The following RBFOX2 variants were observed in gnomAD, a reference collection of about 807,000 sequenced individuals.
RBFOX2 encodes RNA binding fox-1 homolog 2.
In RBFOX2, 10 loss-of-function variants were observed where a neutral mutation model predicts 49.1. The ratio of observed to expected loss-of-function variants is 0.20; its 90% CI spans 0.13 to 0.35. The LOEUF is 0.35. Ranked by LOEUF, RBFOX2 falls within the 10% of genes least tolerant of loss-of-function variation. The pLI, the probability that RBFOX2 is intolerant of heterozygous loss-of-function variation, is 1.00. For missense variants in RBFOX2, 323 were observed against 486.9 expected, an observed-to-expected ratio of 0.66 and a Z score of 3.17; for synonymous variants, 183 against 187.4, an observed-to-expected ratio of 0.98 and a Z score of 0.19.
At chr22:35,892,235 G>T (rs2047331229) in intron 1 of RBFOX2, among the ~76,000 whole-genome samples, 1 of 152,166 alleles carries the variant, frequency 6.6e-6, no homozygotes, top group African/African-American at 2.4e-5. Flanking sequence ...GCTCAGAGAG[G>T]TTAAGTAACT....
chr22:35,789,607 G>GT (rs1376564575), intron 2 of RBFOX2, among the ~76,000 whole-genome samples: 3 of 152,058 alleles, frequency 2.0e-5, no homozygotes, highest in African/African-American at 7.2e-5. Context: ...GCCAGATAAA[G>GT]TTTTTCATTT....
chr22:35,878,966 G>A (rs561926078), intron 1 of RBFOX2, among the ~76,000 whole-genome samples: 3 of 152,260 alleles, frequency 2.0e-5, no homozygotes, highest in Admixed American at 6.5e-5. Context: ...TCCTGACCTC[G>A]TGATCCACCC....
chr22:35,745,461 TAGTACTATCTACC>T (rs1254041560), intron 11 of RBFOX2, among the ~76,000 whole-genome samples: 3 of 152,260 alleles, frequency 2.0e-5, no homozygotes, highest in African/African-American at 7.2e-5. Flanking sequence ...TAGGAATTTC[TAGTACTATCTACC>T]AGAAGGCTTA....
exon 1 of RBFOX2, chr22:36,028,324 T>C (rs774245740): frequency 6.0e-6 from 9 of 1,507,558 alleles, no homozygotes; most frequent in Non-Finnish European, 7.9e-6. Context: ...CTCCTCCCGC[T>C]CCGGGCACCG....
intron 2 of RBFOX2, among the ~76,000 whole-genome samples, chr22:35,787,752 C>A (rs1251137231): frequency 6.6e-6 from 1 of 152,202 alleles, no homozygotes; most frequent in African/African-American, 2.4e-5. Context: ...TTTTCTCTTG[C>A]TAGCTGCTGA....
At chr22:35,950,569 T>C (rs959920607) in intron 1 of RBFOX2, among the ~76,000 whole-genome samples, 6 of 152,166 alleles carry the variant, frequency 3.9e-5, no homozygotes, top group Non-Finnish European at 5.9e-5. Context: ...TGTGAAGAGC[T>C]TTCCCAAGTA....
chr22:35,768,878 C>T (rs1305981805), intron 4 of RBFOX2, among the ~76,000 whole-genome samples: 7 of 152,136 alleles, frequency 4.6e-5, no homozygotes, highest in Non-Finnish European at 1.0e-4. Flanking sequence ...TTTAGCCCCA[C>T]GTTGCCTGTT....
intron 6 of RBFOX2, among the ~76,000 whole-genome samples, chr22:35,762,981 C>G (rs1939510539): frequency 6.6e-6 from 1 of 152,156 alleles, no homozygotes; most frequent in South Asian, 2.1e-4. Context: ...CTGGCAAAAT[C>G]TAGGTTCAAA....
chr22:35,741,263 AG>A (rs1328386144), exon 12 of RBFOX2: 1 of 152,278 alleles, frequency 6.6e-6, no homozygotes, highest in African/African-American at 2.4e-5. Context: ...CCAAGAGTAC[AG>A]AAAGTCCAGG....
At chr22:35,789,770 G>A (rs1181377679) in intron 2 of RBFOX2, among the ~76,000 whole-genome samples, 1 of 152,102 alleles carries the variant, frequency 6.6e-6, no homozygotes, top group African/African-American at 2.4e-5. Context: ...TCCCTGTAAC[G>A]TGGTGGTGGT....
intron 1 of RBFOX2, among the ~76,000 whole-genome samples, chr22:35,935,226 G>A (rs1009433719): frequency 6.6e-6 from 1 of 152,162 alleles, no homozygotes; most frequent in Admixed American, 6.6e-5. Context: ...GTAAGCCACT[G>A]CACTTGGTCC....
rs535360141 is a variant in RBFOX2, at chr22:35,782,512, G to A, written c.253-766C>T. Among the ~76,000 whole-genome samples the A allele has an allele frequency of 5.3e-4, 80 of 152,240 alleles. No individual in the cohort carries two copies. The South Asian group carries it at 7.7e-3, about 15-fold the overall frequency. ...AATTTTTTGTATTTTTGGTAGAGAC[G>A]GGGTTTCACCCTGTTAGCTAGGATG... is the stretch of plus-strand genomic sequence containing the variant. On this transcript the variant is annotated intron_variant, in intron 2 of 11. Transcript: ENST00000405409.
chr22:35,892,019 T>C (rs1194791887), intron 1 of RBFOX2, among the ~76,000 whole-genome samples: 3 of 152,202 alleles, frequency 2.0e-5, no homozygotes, highest in Non-Finnish European at 4.4e-5. Flanking sequence ...AATTCAAAGA[T>C]ACCCTCAACG....
At chr22:35,742,739 G>C (rs1930559049) in exon 12 of RBFOX2, 1 of 152,512 alleles carries the variant, frequency 6.6e-6, no homozygotes, top group Non-Finnish European at 1.5e-5. Flanking sequence ...ATTACAGCCA[G>C]ATGGCAACGG....
upstream of RBFOX2, among the ~76,000 whole-genome samples, chr22:35,943,896 C>G (rs1157815553): frequency 1.3e-5 from 2 of 152,220 alleles, no homozygotes; most frequent in East Asian, 3.8e-4. Context: ...CAGAGCGAGA[C>G]TCCGTCTCAA....
chr22:35,913,567 T>C (rs1012399489), intron 1 of RBFOX2, among the ~76,000 whole-genome samples: 1 of 151,304 alleles, frequency 6.6e-6, no homozygotes, highest in East Asian at 1.9e-4. Context: ...TGTGTATATA[T>C]ATATATAGAT....
chr22:35,823,549 G>A (rs1189237973), intron 1 of RBFOX2, among the ~76,000 whole-genome samples: 1 of 152,166 alleles, frequency 6.6e-6, no homozygotes, highest in African/African-American at 2.4e-5. Context: ...GCAAATGAAA[G>A]CATCTATCTA....
chr22:35,977,852 G>T (rs544447228), intron 1 of RBFOX2, among the ~76,000 whole-genome samples: 1 of 149,150 alleles, frequency 6.7e-6, no homozygotes, highest in Admixed American at 6.7e-5. Flanking sequence ...TCACAGAGGA[G>T]TTAGCACAGC....
intron 1 of RBFOX2, among the ~76,000 whole-genome samples, chr22:35,813,488 GC>G (rs1186520203): frequency 6.6e-6 from 1 of 152,144 alleles, no homozygotes; most frequent in Non-Finnish European, 1.5e-5. Flanking sequence ...AGTCCACAAG[GC>G]TAGACAGAAT....
Sources: allele counts gnomAD v4.1 joint callset (sites outside exome capture counted in the v4.1 genomes callset), GRCh38; gene constraint gnomAD v4.1.1; transcripts MANE v1.5; gene names NCBI Gene and HGNC (gene_info 2026-07-23, HGNC 2026-07-21).